Variants in AGAP1 observed in about 807,000 individuals in gnomAD.
AGAP1 encodes ArfGAP with GTPase domain, ankyrin repeat and PH domain 1, also known as arf-GAP with GTPase, ANK repeat and PH domain-containing protein 1.
A neutral mutation model predicts 105.3 loss-of-function variants in AGAP1; 29 were observed. That is an observed-to-expected ratio of 0.28 (90% CI 0.21 to 0.38). The LOEUF is 0.38. Ranked by LOEUF, AGAP1 falls within the 10% of genes least tolerant of loss-of-function variation. The pLI is 1.00. For missense variants in AGAP1, 998 were observed against 1,165.1 expected, an observed-to-expected ratio of 0.86 and a Z score of 2.09; for synonymous variants, 509 against 485.9, an observed-to-expected ratio of 1.05 and a Z score of -0.63.
intron 1 of AGAP1, among the ~76,000 whole-genome samples, chr2:235,511,912 G>A (rs961202044): frequency 6.6e-6 from 1 of 151,512 alleles, no homozygotes; most frequent in Non-Finnish European, 1.5e-5. Context: ...ATGAGTATGT[G>A]GATGTGTGTG....
Position 235,968,625 on chromosome 2 carries a change from TAAGGGTTCCGCG to T in AGAP1, c.1645+3_1645+14del, listed in dbSNP as rs1196157713. 6.2e-7 allele frequency: 1 copy of T among 1,601,086 alleles called. No individual in the cohort carries two copies. The highest frequency in any genetic ancestry group is 8.5e-7 in the Non-Finnish European group (1 of 1,175,366). The stretch of plus-strand genomic sequence containing the variant: ...ACGGCCTGTCCGGCACTGCTGAAGG[TAAGGGTTCCGCG>T]GTGCCCCGGGAGAGAGTCTCCACTG... On this transcript the variant is annotated splice_donor_5th_base_variant and intron_variant, in intron 13 of 17. Coordinates refer to ENST00000304032, the MANE Select transcript of AGAP1 (RefSeq NM_001037131.3).
rs553724860 is a variant in AGAP1, at chr2:235,653,222, T to C, written c.164-55957T>C. On this transcript the variant is annotated intron_variant, in intron 1 of 17. Coordinates refer to ENST00000304032, the MANE Select transcript of AGAP1 (RefSeq NM_001037131.3). ...GGCTCATGCCTGTAATCCCAGCACTTTGGGAGGCCAAGGCGGGCGGATCAC... is the reference window on the plus strand; with the variant it reads ...GGCTCATGCCTGTAATCCCAGCACTCTGGGAGGCCAAGGCGGGCGGATCAC... Among the ~76,000 whole-genome samples the C allele has an allele frequency of 7.2e-5, 11 of 152,212 alleles. No individual in the cohort carries two copies. In the South Asian group the frequency reaches 2.3e-3, roughly 32 times the overall value.
At chr2:235,589,221 T>TTTTC (rs1945248122) in intron 1 of AGAP1, among the ~76,000 whole-genome samples, 1 of 134,308 alleles carries the variant, frequency 7.4e-6, no homozygotes, top group Non-Finnish European at 1.6e-5. Context: ...TTTTTTTTTT[T>TTTTC]TGAGACGGAG....
Position 235,655,963 on chromosome 2 carries a change from A to G in AGAP1, c.164-53216A>G, listed in dbSNP as rs951264915. Among the ~76,000 whole-genome samples, 5 of 152,188 alleles carry G rather than the reference A, an allele frequency of 3.3e-5. No homozygotes were observed. The highest frequency in any genetic ancestry group is 4.4e-5 in the Non-Finnish European group (3 of 68,034). Reference sequence around the variant, plus strand: ...AGTTGTTGGAGCTCCGATACTTCCAATAAGTAACTAGCAGGGCTGTACACA... The same window carrying G: ...AGTTGTTGGAGCTCCGATACTTCCAGTAAGTAACTAGCAGGGCTGTACACA... On this transcript the variant is annotated intron_variant, in intron 1 of 17. Transcript: ENST00000304032. The surrounding 1 kb of genome is among the most constrained non-coding windows in gnomAD (Gnocchi z 4.3).
intron 1 of AGAP1, among the ~76,000 whole-genome samples, chr2:235,579,933 G>T (rs531048460): frequency 9.2e-5 from 14 of 152,114 alleles, no homozygotes; most frequent in Non-Finnish European, 2.1e-4. Context: ...AGCACCTGAC[G>T]ACCGCCAGTC....
At chr2:235,510,756 C>G (rs1194276492) in intron 1 of AGAP1, among the ~76,000 whole-genome samples, 5 of 152,036 alleles carry the variant, frequency 3.3e-5, no homozygotes, top group African/African-American at 1.2e-4. Flanking sequence ...CCCTCTGTGT[C>G]TCTTGGGCTG....
intron 6 of AGAP1, among the ~76,000 whole-genome samples, chr2:235,778,311 C>T (rs1023095620): frequency 2.6e-5 from 4 of 152,250 alleles, no homozygotes; most frequent in African/African-American, 9.6e-5. Flanking sequence ...TTTGGGTATC[C>T]ACCCATTTCC....
chr2:235,676,470 G>T (rs748321497), intron 1 of AGAP1, among the ~76,000 whole-genome samples: 2 of 152,190 alleles, frequency 1.3e-5, no homozygotes, highest in African/African-American at 2.4e-5. Context: ...AGGAGTTAAT[G>T]AAGGCCTCAC....
rs2049169966 is a variant in AGAP1, at chr2:235,866,357, CG to C, written c.1051-16984del. 1.3e-5 allele frequency among the ~76,000 whole-genome samples: 2 copies of C among 152,076 alleles called. No individual in the cohort carries two copies. The highest frequency in any genetic ancestry group is 4.8e-5 in the African/African-American group (2 of 41,388). On this transcript the variant is annotated intron_variant, in intron 9 of 17. Coordinates refer to ENST00000304032, the MANE Select transcript of AGAP1 (RefSeq NM_001037131.3). The surrounding 1 kb of genome is among the most constrained non-coding windows in gnomAD (Gnocchi z 6.1). ...GAGGGAGACAATCCGTGTGTGTGATCGGGGTGTTCTGGACTTGAGGTACCTG... is the reference window on the plus strand; with the variant it reads ...GAGGGAGACAATCCGTGTGTGTGATCGGGTGTTCTGGACTTGAGGTACCTG...
chr2:235,696,003 G>A (rs986212823), intron 1 of AGAP1, among the ~76,000 whole-genome samples: 11 of 152,174 alleles, frequency 7.2e-5, no homozygotes, highest in Admixed American at 3.9e-4. Flanking sequence ...CGACAGAGGG[G>A]CACCAGGATG....
At chr2:235,910,893 C>T (rs1252795867) in intron 11 of AGAP1, among the ~76,000 whole-genome samples, 13 of 58,716 alleles carry the variant, frequency 2.2e-4, no homozygotes, top group African/African-American at 7.1e-4. Context: ...CCAGCCTGCG[C>T]GACAGAGTGA....
At chr2:235,598,603 C>G (rs1392768862) in intron 1 of AGAP1, among the ~76,000 whole-genome samples, 1 of 152,166 alleles carries the variant, frequency 6.6e-6, no homozygotes, top group African/African-American at 2.4e-5. Context: ...TACTCATCAT[C>G]CTGGGATTAT....
rs1436728986 is a variant in AGAP1, at chr2:235,690,747, C to T, written c.164-18432C>T. Among the ~76,000 whole-genome samples the T allele has an allele frequency of 6.6e-6, 1 of 152,172 alleles. No homozygotes were observed. The highest frequency in any genetic ancestry group is 1.5e-5 in the Non-Finnish European group (1 of 68,042). On this transcript the variant is annotated intron_variant, in intron 1 of 17. Coordinates refer to ENST00000304032, the MANE Select transcript of AGAP1 (RefSeq NM_001037131.3). The surrounding 1 kb of genome is among the most constrained non-coding windows in gnomAD (Gnocchi z 4.1). The stretch of plus-strand genomic sequence containing the variant: ...CACCTGTCTGCTTGGGGCAGGTATA[C>T]TGACTTTTTGTTGCTTTTACGGTTA...
intron 1 of AGAP1, among the ~76,000 whole-genome samples, chr2:235,536,626 TTC>T (rs1491492242): frequency 1.6e-4 from 10 of 63,320 alleles, no homozygotes; most frequent in Non-Finnish European, 2.8e-4. Flanking sequence ...TGTCGCATCC[TTC>T]ACACACACAC....
chr2:236,080,863 A>G lies in AGAP1; in HGVS notation c.2114+31582A>G, dbSNP rs2058762006. The stretch of plus-strand genomic sequence containing the variant: ...TCTTCTGACTCTGATTCTCCTATTT[A>G]TATGACCCTCTTATAAGGACCCTTG... On this transcript the variant is annotated intron_variant, in intron 16 of 17. Coordinates refer to ENST00000304032, the MANE Select transcript of AGAP1 (RefSeq NM_001037131.3). This position sits in a 1 kb window ranked among gnomAD's most constrained non-coding sequence, Gnocchi z 4.2. Among the ~76,000 whole-genome samples the G allele has an allele frequency of 6.6e-6, 1 of 152,034 alleles. No individual in the cohort carries two copies. Among genetic ancestry groups the G allele is most frequent in the African/African-American group, 2.4e-5 (1 of 41,398 alleles).
chr2:235,637,016 C>T (rs1320440199), intron 1 of AGAP1, among the ~76,000 whole-genome samples: 2 of 152,288 alleles, frequency 1.3e-5, no homozygotes, highest in South Asian at 4.1e-4. Context: ...ACCCGCCCTG[C>T]TGACGCTTTG....
intron 1 of AGAP1, among the ~76,000 whole-genome samples, chr2:235,634,426 G>C (rs1384713224): frequency 6.6e-6 from 1 of 152,216 alleles, no homozygotes; most frequent in African/African-American, 2.4e-5. Flanking sequence ...GGGCATCCCT[G>C]AGATGGGACT....
intron 1 of AGAP1, among the ~76,000 whole-genome samples, chr2:235,516,643 G>T (rs1166263970): frequency 6.6e-6 from 1 of 152,138 alleles, no homozygotes; most frequent in Non-Finnish European, 1.5e-5. Flanking sequence ...GAATGTGTTT[G>T]TCGCCTCTGG....
chr2:235,593,772 C>G (rs150070320), intron 1 of AGAP1, among the ~76,000 whole-genome samples: 2 of 151,902 alleles, frequency 1.3e-5, no homozygotes, highest in Non-Finnish European at 2.9e-5. Context: ...AAGACCAGCC[C>G]GGGCAACATA....
Sources: allele counts gnomAD v4.1 joint callset (sites outside exome capture counted in the v4.1 genomes callset), GRCh38; gene constraint gnomAD v4.1.1; non-coding constraint Gnocchi (gnomAD v3.1); transcripts MANE v1.5; gene names NCBI Gene and HGNC (gene_info 2026-07-23, HGNC 2026-07-21).